C2: variants seen among roughly 807,000 people sequenced by gnomAD.
C2 encodes the protein complement C2, also known as C3/C5 convertase.
Under a neutral mutation model 85.2 loss-of-function variants are expected in C2, and 64 were observed. That is an observed-to-expected ratio of 0.75 (90% CI 0.61 to 0.92). The LOEUF is 0.92. Among genes scored for constraint, C2 ranks in the 40% least tolerant of loss-of-function variants. The pLI is 0.00. For synonymous variants in C2, 311 were observed against 370.8 expected (o/e 0.84, Z 1.85); for missense variants, 820 against 971.6 (o/e 0.84, Z 2.07).
At chr6:31,942,772 G>A (rs1770987207) in intron 9 of C2, 187 bp from the exon 10 acceptor site, 1 of 669,480 alleles carries the variant, frequency 1.5e-6, no homozygotes, top group Non-Finnish European at 2.6e-6. Context: ...AAGAGGCTGT[G>A]TGCTGCAGGA....
chr6:31,927,589 T>A, upstream of C2: 5 of 1,561,894 alleles, frequency 3.2e-6, no homozygotes, highest in Non-Finnish European at 4.3e-6. The surrounding 1 kb of genome is among the most constrained non-coding windows in gnomAD (Gnocchi z 4.7). Flanking sequence ...CCCCAATCCC[T>A]GCTTATTATT....
upstream of C2, chr6:31,900,718 T>A (rs1415052176): frequency 3.1e-6 from 5 of 1,600,392 alleles, no homozygotes; most frequent in East Asian, 2.2e-5. This position sits in a 1 kb window ranked among gnomAD's most constrained non-coding sequence, Gnocchi z 9.7. Flanking sequence ...CCTCATCCTC[T>A]TCCTCGGCTT....
chr6:31,934,339 G>C, intron 6 of C2, 40 bp downstream of exon 6: 1 of 1,613,132 alleles, frequency 6.2e-7, no homozygotes, highest in Non-Finnish European at 8.5e-7. Context: ...AGGCCTTCCT[G>C]TGCTCACTAT....
intron 1 of C2, among the ~76,000 whole-genome samples, chr6:31,902,362 C>A (rs1027650008): frequency 6.6e-6 from 1 of 151,862 alleles, no homozygotes; most frequent in African/African-American, 2.4e-5. Context: ...TGGCGCTACT[C>A]GCTCCGCGTC....
intron 9 of C2, 44 bp downstream of exon 9, chr6:31,939,364 A>G: frequency 1.4e-6 from 2 of 1,392,970 alleles, no homozygotes. Context: ...GCTCCTGCAG[A>G]GGTCATGAGA....
upstream of C2, among the ~76,000 whole-genome samples, chr6:31,918,861 T>G (rs2151726631): frequency 8.0e-6 from 1 of 124,550 alleles, no homozygotes; most frequent in South Asian, 2.5e-4. Flanking sequence ...CCAGCCTGGG[T>G]GACAGAGCAA....
chr6:31,943,393 GA>G lies in C2; in HGVS notation c.1456-19del. 6.2e-7 allele frequency: 1 copy of G among 1,611,804 alleles called. No individual in the cohort carries two copies. The highest frequency in any genetic ancestry group is 8.5e-7 in the Non-Finnish European group (1 of 1,178,878). On this transcript the variant is annotated intron_variant, in intron 11 of 17. Coordinates refer to ENST00000299367, the MANE Select transcript of C2 (RefSeq NM_000063.6). This position sits in a 1 kb window ranked among gnomAD's most constrained non-coding sequence, Gnocchi z 6.4. ...ATGGGCCAGACATACTGCAATCTCT[GA>G]AAATCACCTGTTCCCCTGCAGCCCA...
At chr6:31,913,962 G>A (rs1441633755) in intron 1 of C2, among the ~76,000 whole-genome samples, 4 of 146,876 alleles carry the variant, frequency 2.7e-5, no homozygotes, top group East Asian at 2.1e-4. Context: ...ACGGAATCTC[G>A]CTCTGTCACC....
intron 8 of C2, 101 bp from the exon 9 acceptor site, chr6:31,939,130 T>C: frequency 1.2e-6 from 1 of 836,464 alleles, no homozygotes; most frequent in Non-Finnish European, 2.1e-6. Flanking sequence ...TCACAGGCAA[T>C]GTAAATGTTG....
chr6:31,943,373 C>A lies in C2; in HGVS notation c.1456-43C>A. On this transcript the variant is annotated intron_variant, in intron 11 of 17. Coordinates refer to ENST00000299367, the MANE Select transcript of C2 (RefSeq NM_000063.6). The surrounding 1 kb of genome is among the most constrained non-coding windows in gnomAD (Gnocchi z 6.4). Reference sequence around the variant, plus strand: ...TTCCAGAGGTAAAAGCGGCCATGGGCCAGACATACTGCAATCTCTGAAAAT... The same window carrying A: ...TTCCAGAGGTAAAAGCGGCCATGGGACAGACATACTGCAATCTCTGAAAAT... The A allele has an allele frequency of 6.2e-7, 1 of 1,607,694 alleles. No individual in the cohort carries two copies. The highest frequency in any genetic ancestry group is 8.5e-7 in the Non-Finnish European group (1 of 1,175,102).
chr6:31,900,683 A>G, upstream of C2: 3 of 1,611,784 alleles, frequency 1.9e-6, no homozygotes, highest in Non-Finnish European at 2.5e-6. This position sits in a 1 kb window ranked among gnomAD's most constrained non-coding sequence, Gnocchi z 9.7. Flanking sequence ...GACGATGCAG[A>G]TGTCAGACAC....
chr6:31,916,973 A>AT (rs749288954), upstream of C2, among the ~76,000 whole-genome samples: 19 of 151,108 alleles, frequency 1.3e-4, no homozygotes, highest in Admixed American at 3.3e-4. Flanking sequence ...TGAATTTGAG[A>AT]CCAGCCTGGC....
chr6:31,934,705 C>T (rs1182635228), intron 6 of C2: 2 of 1,202,146 alleles, frequency 1.7e-6, no homozygotes, highest in Non-Finnish European at 2.1e-6. Flanking sequence ...ACATTTTGTG[C>T]AGGCTTTAAA....
intron 1 of C2, chr6:31,901,363 T>C: frequency 3.9e-6 from 6 of 1,529,422 alleles, no homozygotes; most frequent in Non-Finnish European, 5.3e-6. Flanking sequence ...CAAAGGTCTC[T>C]GGCTCTCCGA....
chr6:31,919,793 G>A (rs989661843), upstream of C2: 5 of 152,172 alleles, frequency 3.3e-5, no homozygotes, highest in South Asian at 2.1e-4. Context: ...CAGAGACTGC[G>A]TAGTATTCAG....
chr6:31,923,583 A>C (rs1375870855), upstream of C2, among the ~76,000 whole-genome samples: 17 of 137,944 alleles, frequency 1.2e-4, no homozygotes, highest in Admixed American at 1.5e-4. Context: ...TCCCGGGTTC[A>C]CGCCATTCGC....
chr6:31,912,300 A>G (rs1307257449), intron 1 of C2, among the ~76,000 whole-genome samples: 1 of 152,152 alleles, frequency 6.6e-6, no homozygotes, highest in African/African-American at 2.4e-5. Context: ...AATTTAATGG[A>G]TATTATTCAG....
In C2 at chr6:31,922,119, C is replaced by T. The variant is rs565241048; in HGVS notation, c.-100+2093C>T. On this transcript the variant is annotated intron_variant, in intron 1 of 3. Coordinates refer to the C2 transcript ENST00000413154. The surrounding 1 kb of genome is among the most constrained non-coding windows in gnomAD (Gnocchi z 4.8). ...CACAGATGGTGCAGGACACCAAAAA[C>T]AATCCTTGGGTAGAGACAGAGATGC... 5.3e-5 allele frequency among the ~76,000 whole-genome samples: 8 copies of T among 152,266 alleles called. No homozygotes were observed. The highest frequency in any genetic ancestry group is 1.7e-4 in the African/African-American group (7 of 41,544).
intron 7 of C2, 175 bp from the exon 8 acceptor site, chr6:31,937,144 G>T: frequency 1.6e-6 from 1 of 621,672 alleles, no homozygotes; most frequent in Non-Finnish European, 2.8e-6. Context: ...GGGAGGTGGA[G>T]GTTGCAGTCA....
Sources: allele counts gnomAD v4.1 joint callset (sites outside exome capture counted in the v4.1 genomes callset), GRCh38; gene constraint gnomAD v4.1.1; non-coding constraint Gnocchi (gnomAD v3.1); transcripts MANE v1.5; gene names NCBI Gene and HGNC (gene_info 2026-07-23, HGNC 2026-07-21).